INTS6L: variants seen among roughly 807,000 people sequenced by gnomAD.
The protein encoded by INTS6L is integrator complex subunit 6 like.
In INTS6L, 18 loss-of-function variants were observed where a neutral mutation model predicts 64.7. The observed-to-expected ratio is 0.28, with a 90% CI of 0.19 to 0.41. The LOEUF (loss-of-function observed/expected upper bound fraction) is 0.41, where lower values mean the gene tolerates loss of function less well. INTS6L is among the 10% of genes least tolerant of loss of function. The pLI is 1.00. For missense variants in INTS6L, 533 were observed against 661.0 expected, an observed-to-expected ratio of 0.81 and a Z score of 2.12; for synonymous variants, 227 against 235.9, an observed-to-expected ratio of 0.96 and a Z score of 0.34.
chrX:135,579,833 G>T lies in INTS6L; in HGVS notation c.2165G>T (p.Gly722Val). The T allele has an allele frequency of 2.5e-6, 3 of 1,199,096 alleles. No homozygotes were observed. Among genetic ancestry groups the T allele is most frequent in the Non-Finnish European group, 3.4e-6 (3 of 888,360 alleles). Residue 722 changes from glycine to valine, a missense_variant, in exon 16 of 18, where the codon GGT becomes GTT. Transcript: ENST00000639893. ...HDGHEEKMEN[G>V]QITPDGFLSK... ...GGCCATGAGGAGAAGATGGAAAATG[G>T]TCAGATCACACCTGATGGCTTCCTG...
Position 135,570,779 on chromosome X carries a change from T to C in INTS6L, c.1398+233T>C. The C allele has an allele frequency of 8.7e-6, 3 of 343,254 alleles. No individual in the cohort carries two copies. In the South Asian group the frequency reaches 1.6e-4, roughly 18 times the overall value. The allele number at this position is 343,254 out of a possible 1,213,427, so 28.3% of individuals were successfully genotyped here. A position where few individuals can be genotyped will look rare whatever the true frequency, so the allele number is the denominator to read the frequency against. On this transcript the variant is annotated intron_variant, in intron 11 of 17. Coordinates refer to ENST00000639893, the MANE Select transcript of INTS6L (RefSeq NM_001351601.3). ...TCTCCTTTTGCCTGCCAGTTTGTCC[T>C]ACCCGCAAGCTGGTTGATATGGGGC...
chrX:135,539,302 T>C (rs1490048281), intron 2 of INTS6L, among the ~76,000 whole-genome samples: 2 of 112,439 alleles, frequency 1.8e-5, no homozygotes, highest in African/African-American at 3.2e-5. Context: ...CTGCTTCACC[T>C]TGCACTTTTA....
At chrX:135,573,636 G>T (rs1372329000) in intron 12 of INTS6L, among the ~76,000 whole-genome samples, 4 of 112,693 alleles carry the variant, frequency 3.5e-5, no homozygotes, top group Non-Finnish European at 7.5e-5. Context: ...CTCCATGGCT[G>T]CCAGAGGAAT....
At chrX:135,577,532 C>A in intron 15 of INTS6L, 105 bp downstream of exon 15, 1 of 806,652 alleles carries the variant, frequency 1.2e-6, no homozygotes, top group Non-Finnish European at 1.8e-6. Flanking sequence ...AGTTTGTGTT[C>A]ATTAAGTAAG....
intron 2 of INTS6L, among the ~76,000 whole-genome samples, chrX:135,533,314 T>C (rs1357959146): frequency 2.7e-5 from 3 of 111,916 alleles, no homozygotes; most frequent in Non-Finnish European, 5.6e-5. Context: ...TAACTTTGTA[T>C]TTTGTTGGGA....
At chrX:135,575,464 T>A (rs2087198193) in intron 14 of INTS6L, among the ~76,000 whole-genome samples, 1 of 111,960 alleles carries the variant, frequency 8.9e-6, no homozygotes, top group Admixed American at 9.4e-5. Flanking sequence ...TCTCACTTAA[T>A]GCTCACAACT....
chrX:135,533,372 A>C (rs1453103283), intron 2 of INTS6L, among the ~76,000 whole-genome samples: 6 of 112,528 alleles, frequency 5.3e-5, no homozygotes, highest in Admixed American at 9.4e-5. Flanking sequence ...AAAGTAGCTC[A>C]TAACAATTTT....
intron 14 of INTS6L, among the ~76,000 whole-genome samples, chrX:135,575,963 C>T (rs1247012628): frequency 2.7e-5 from 3 of 111,950 alleles, no homozygotes; most frequent in Non-Finnish European, 3.8e-5. Context: ...AGGTATTCCA[C>T]GTCACCTAAA....
At chrX:135,521,621 G>A (rs1176001780) in intron 2 of INTS6L, among the ~76,000 whole-genome samples, 1 of 109,908 alleles carries the variant, frequency 9.1e-6, no homozygotes, top group African/African-American at 3.3e-5. Context: ...GTATGAGCCT[G>A]CGAGAGGGAG....
At chrX:135,522,983 A>G (rs1349965378) in intron 2 of INTS6L, among the ~76,000 whole-genome samples, 1 of 112,320 alleles carries the variant, frequency 8.9e-6, no homozygotes, top group Non-Finnish European at 1.9e-5. Context: ...GACTGCTAAT[A>G]CAGATAAGAA....
chrX:135,531,850 C>A (rs1283418236), intron 2 of INTS6L, among the ~76,000 whole-genome samples: 2 of 111,684 alleles, frequency 1.8e-5, no homozygotes, highest in African/African-American at 6.5e-5. Flanking sequence ...CTGATGCCAG[C>A]CCTTAGAACA....
chrX:135,528,595 G>T (rs1198635895), intron 2 of INTS6L, among the ~76,000 whole-genome samples: 1 of 111,750 alleles, frequency 8.9e-6, no homozygotes, highest in Non-Finnish European at 1.9e-5. Flanking sequence ...TTGAGCACTT[G>T]AAAGGTGGCT....
intron 2 of INTS6L, among the ~76,000 whole-genome samples, chrX:135,528,277 C>T (rs1184827364): frequency 1.8e-5 from 2 of 111,862 alleles, no homozygotes; most frequent in Admixed American, 1.9e-4. Context: ...CTCCCAGGAA[C>T]CTTTTTAACC....
intron 15 of INTS6L, among the ~76,000 whole-genome samples, chrX:135,578,322 C>T (rs1219343736): frequency 8.9e-6 from 1 of 111,850 alleles, no homozygotes; most frequent in East Asian, 2.8e-4. Context: ...TCATGAGTTT[C>T]AACTGAACTC....
chrX:135,577,482 A>T, intron 15 of INTS6L, 55 bp downstream of exon 15: 1 of 1,092,667 alleles, frequency 9.2e-7, no homozygotes, highest in Non-Finnish European at 1.3e-6. Flanking sequence ...AAGACGCTAA[A>T]CAATTTTATT....
rs1214127010 is a variant in INTS6L at position 135,582,178 on chromosome X, T to C, written c.*542T>C. ...CTGCTATTTGGGTAACTTATTTCTC[T>C]GTGGGAAGGGGCAGGGAGAGTCACC... On this transcript the variant is annotated 3_prime_UTR_variant, in exon 18 of 18. Coordinates refer to ENST00000639893, the MANE Select transcript of INTS6L (RefSeq NM_001351601.3). The C allele has an allele frequency of 1.8e-5, 2 of 113,226 alleles. No individual in the cohort carries two copies. Among genetic ancestry groups the C allele is most frequent in the African/African-American group, 6.5e-5 (2 of 30,918 alleles). 9.3% of individuals were successfully genotyped at this position (113,226 alleles called of 1,213,427 possible). A position where few individuals can be genotyped will look rare whatever the true frequency, so the allele number is the denominator to read the frequency against.
chrX:135,568,537 A>ATTATT (rs1258479491), intron 9 of INTS6L, among the ~76,000 whole-genome samples: 1 of 110,371 alleles, frequency 9.1e-6, no homozygotes, highest in Admixed American at 9.6e-5. Context: ...TTTTTATTTT[A>ATTATT]TTATTTTATT....
chrX:135,539,689 C>T (rs1278994585), intron 2 of INTS6L, among the ~76,000 whole-genome samples: 1 of 111,968 alleles, frequency 8.9e-6, no homozygotes, highest in African/African-American at 3.3e-5. Context: ...TGATTTAAAG[C>T]GAGAGAAGTG....
intron 2 of INTS6L, among the ~76,000 whole-genome samples, chrX:135,533,496 C>A (rs1391036883): frequency 2.7e-5 from 3 of 111,270 alleles, no homozygotes; most frequent in African/African-American, 9.8e-5. Context: ...CATCCCATTA[C>A]CTATGTGTTA....
Sources: allele counts gnomAD v4.1 joint callset (sites outside exome capture counted in the v4.1 genomes callset), GRCh38; gene constraint gnomAD v4.1.1; transcripts MANE v1.5; gene names NCBI Gene and HGNC (gene_info 2026-07-23, HGNC 2026-07-21).